The following SPAG17 variants were observed in gnomAD, a reference collection of about 807,000 sequenced individuals.
The protein encoded by SPAG17 is sperm associated antigen 17, also known as sperm-associated antigen 17.
Under a neutral mutation model 273.6 loss-of-function variants are expected in SPAG17, and 169 were observed. The ratio of observed to expected loss-of-function variants is 0.62; its 90% CI spans 0.55 to 0.70. The LOEUF (loss-of-function observed/expected upper bound fraction) is 0.70, where lower values mean the gene tolerates loss of function less well. SPAG17 is among the 30% of genes least tolerant of loss of function. SPAG17 has a pLI of 0.00. For missense variants in SPAG17, 2,557 were observed against 2,627.8 expected (o/e 0.97, Z 0.59); for synonymous variants, 825 against 873.2 (o/e 0.94, Z 0.97).
At chr1:118,148,180 C>T (rs17037931) in intron 3 of SPAG17, among the ~76,000 whole-genome samples, 9,558 of 152,060 alleles carry the variant, frequency 0.063, 451 homozygotes, top group East Asian at 0.26. Flanking sequence ...GCAAGACTTT[C>T]GCTCCTCAGG....
At chr1:118,086,593 A>G in intron 12 of SPAG17, 78 bp downstream of exon 12, 1 of 1,213,530 alleles carries the variant, frequency 8.2e-7, no homozygotes, top group East Asian at 2.3e-5. Flanking sequence ...AAGTTATCTA[A>G]TTAGCTTCTT....
At chr1:118,156,079 C>T (rs569013488) in intron 1 of SPAG17, among the ~76,000 whole-genome samples, 1 of 152,298 alleles carries the variant, frequency 6.6e-6, no homozygotes, top group South Asian at 2.1e-4. Flanking sequence ...ATTGTCTTTA[C>T]TAAACAAGTA....
At position 118,004,347 on chromosome 1, in the gene SPAG17, G is replaced by A. The variant is rs187449336; in HGVS notation, c.4776+1067C>T. Among the ~76,000 whole-genome samples, 15 of 152,352 alleles carry A rather than the reference G, an allele frequency of 9.8e-5. No homozygotes were observed. The East Asian group carries it at 2.9e-3, about 29-fold the overall frequency. ...GTTGGGAGAACCACTGCTCTCTTCA[G>A]AGCTGTTGGACAAGGATGTTTAAGT... On this transcript the variant is annotated intron_variant, in intron 32 of 48. Transcript: ENST00000336338.
rs759084138 is a variant in SPAG17 at position 118,101,786 on chromosome 1, G to A, written c.588C>T (p.Thr196=). 5.0e-6 allele frequency: 8 copies of A among 1,613,962 alleles called. No homozygotes were observed. In the Admixed American group the frequency reaches 5.0e-5, roughly 10 times the overall value. ...PEANAPVKKT[T]QLKRRGEDDH... ...CGTCTTCTCCTCTCCGCTTTAACTG[G>A]GTGGTCTTTTTCACTGGTGCATTTG... Residue 196 remains threonine, a synonymous_variant, in exon 5 of 49, where the codon ACC becomes ACT. Coordinates refer to ENST00000336338, the MANE Select transcript of SPAG17 (RefSeq NM_206996.4).
chr1:118,177,261 A>C (rs1660737886), intron 1 of SPAG17, among the ~76,000 whole-genome samples: 1 of 152,208 alleles, frequency 6.6e-6, no homozygotes, highest in Non-Finnish European at 1.5e-5. Context: ...TGGAAGATGA[A>C]GGAGAAGCAA....
chr1:117,989,536 AT>A (rs1215850940), intron 38 of SPAG17, among the ~76,000 whole-genome samples: 1 of 151,778 alleles, frequency 6.6e-6, no homozygotes, highest in African/African-American at 2.4e-5. Flanking sequence ...AACACCTCCC[AT>A]TAGGCCCCTC....
chr1:118,162,442 T>C (rs1325954529), intron 1 of SPAG17, among the ~76,000 whole-genome samples: 3 of 152,058 alleles, frequency 2.0e-5, no homozygotes, highest in African/African-American at 7.2e-5. Context: ...TACTGAGGGG[T>C]TACAAAAATT....
At chr1:118,078,730 T>C (rs1176885913) in intron 15 of SPAG17, among the ~76,000 whole-genome samples, 1 of 152,104 alleles carries the variant, frequency 6.6e-6, no homozygotes, top group Non-Finnish European at 1.5e-5. Context: ...ATAACATTTA[T>C]ATGATTGAGT....
intron 46 of SPAG17, among the ~76,000 whole-genome samples, chr1:117,968,785 A>T (rs1254299916): frequency 1.3e-5 from 2 of 152,178 alleles, no homozygotes; most frequent in Non-Finnish European, 2.9e-5. Flanking sequence ...TGTTAACAGG[A>T]CTGGATACTT....
At position 118,055,899 on chromosome 1, in the gene SPAG17, A is replaced by G. The variant is rs1464574042; in HGVS notation, c.2556T>C (p.Leu852=). 6.2e-7 allele frequency: 1 copy of G among 1,605,798 alleles called. No homozygotes were observed. The highest frequency in any genetic ancestry group is 2.2e-5 in the East Asian group (1 of 44,744). ...SNVGFRNYLE[L]VAKSIQDWIT... is the part of the protein sequence containing the mutation. ...TCCAATCTTGAATAGATTTTGCAAC[A>G]AGTTCCAAATAATTCCTAAACAAAC... The change falls in exon 19 of 49, where the codon CTT becomes CTC. Residue 852 remains leucine, a synonymous_variant. Transcript: ENST00000336338.
At chr1:118,147,569 C>T (rs1328421598) in intron 3 of SPAG17, among the ~76,000 whole-genome samples, 2 of 152,186 alleles carry the variant, frequency 1.3e-5, no homozygotes, top group Non-Finnish European at 1.5e-5. Flanking sequence ...AACAAATGAG[C>T]TGCAGCTACG....
rs191637003 is a variant in SPAG17, at chr1:118,067,622, G to A, written c.2386-723C>T. 2.6e-5 allele frequency among the ~76,000 whole-genome samples: 4 copies of A among 152,266 alleles called. No homozygotes were observed. In the East Asian group the frequency reaches 7.7e-4, roughly 29 times the overall value. On this transcript the variant is annotated intron_variant, in intron 17 of 48. Transcript: ENST00000336338. ...CTGTGAGAAAATTTCTGTTGTTTACGCTACTCAGGCATGGCATTTTGGCAT... is the reference window on the plus strand; with the variant it reads ...CTGTGAGAAAATTTCTGTTGTTTACACTACTCAGGCATGGCATTTTGGCAT...
chr1:117,958,574 G>T (rs535530473), intron 48 of SPAG17, among the ~76,000 whole-genome samples: 1 of 152,218 alleles, frequency 6.6e-6, no homozygotes, highest in Non-Finnish European at 1.5e-5. Context: ...TGTTAAGTTA[G>T]CATTTCTTAG....
At chr1:118,057,383 T>A (rs10923483) in intron 18 of SPAG17, among the ~76,000 whole-genome samples, 2 of 152,012 alleles carry the variant, frequency 1.3e-5, no homozygotes, top group African/African-American at 4.8e-5. Flanking sequence ...AACATAGCAA[T>A]GAGGGTGATC....
chr1:118,066,627 G>A (rs1653002686), intron 18 of SPAG17, 118 bp downstream of exon 18: 3 of 778,030 alleles, frequency 3.9e-6, no homozygotes, highest in Non-Finnish European at 6.1e-6. Flanking sequence ...CTACACAAAT[G>A]TTTTCATTGA....
intron 4 of SPAG17, among the ~76,000 whole-genome samples, chr1:118,107,439 G>A (rs889182143): frequency 6.6e-6 from 1 of 152,086 alleles, no homozygotes; most frequent in East Asian, 1.9e-4. Flanking sequence ...CCAAACTTGG[G>A]AGACTGGAGA....
At chr1:118,127,811 T>C (rs1657823390) in intron 3 of SPAG17, among the ~76,000 whole-genome samples, 1 of 152,156 alleles carries the variant, frequency 6.6e-6, no homozygotes, top group Admixed American at 6.5e-5. Flanking sequence ...GTAATGATAG[T>C]TCATCTTCTT....
chr1:117,973,655 G>T, intron 43 of SPAG17, 94 bp from the exon 44 acceptor site: 12 of 1,283,164 alleles, frequency 9.4e-6, no homozygotes, highest in South Asian at 5.8e-5. Context: ...AAACCAACTT[G>T]GAAACTTTTT....
chr1:118,052,015 ATATATAATAGTAT>A (rs1430268869), intron 20 of SPAG17, among the ~76,000 whole-genome samples: 1 of 139,626 alleles, frequency 7.2e-6, no homozygotes, highest in Non-Finnish European at 1.5e-5. Context: ...AAAATACATA[ATATATAATAGTAT>A]TATATAATAG....
Sources: allele counts gnomAD v4.1 joint callset (sites outside exome capture counted in the v4.1 genomes callset), GRCh38; gene constraint gnomAD v4.1.1; transcripts MANE v1.5; gene names NCBI Gene and HGNC (gene_info 2026-07-23, HGNC 2026-07-21).